The following SLC19A3 variants were observed in gnomAD, a reference collection of about 807,000 sequenced individuals.
SLC19A3 encodes solute carrier family 19 member 3.
Under a neutral mutation model 40.2 loss-of-function variants are expected in SLC19A3, and 31 were observed. That is an observed-to-expected ratio of 0.77 (90% CI 0.58 to 1.04). SLC19A3 has a LOEUF of 1.04. Ranked by LOEUF, SLC19A3 falls within the 50% of genes least tolerant of loss-of-function variation. SLC19A3 has a pLI of 0.00. For missense variants in SLC19A3, 592 were observed against 596.7 expected, an observed-to-expected ratio of 0.99 and a Z score of 0.08; for synonymous variants, 212 against 227.5, an observed-to-expected ratio of 0.93 and a Z score of 0.61.
intron 4 of SLC19A3, among the ~76,000 whole-genome samples, chr2:227,692,182 G>A (rs1472326995): frequency 6.6e-6 from 1 of 152,076 alleles, no homozygotes; most frequent in East Asian, 1.9e-4. Flanking sequence ...AAAAAACAGA[G>A]GAGGGAATAC....
At position 227,698,879 on chromosome 2, in the gene SLC19A3, A is replaced by G; in HGVS notation, c.836T>C (p.Phe279Ser). ...LKECYSSKRLFYWSLWWAFAT... is the reference protein window; with the variant it reads ...LKECYSSKRLSYWSLWWAFAT... ...GAAAGCCCACCATAGAGACCAGTAG[A>G]AAAGACGTTTTGAGGAGTAGCACTC... is the stretch of plus-strand genomic sequence containing the variant. The change falls in exon 3 of 6, where the codon TTC (phenylalanine) becomes TCC (serine). Residue 279 changes from phenylalanine (F) to serine (S), a missense_variant. Transcript: ENST00000644224. 8 of 1,614,138 alleles carry G rather than the reference A, an allele frequency of 5.0e-6. No homozygotes were observed. The highest frequency in any genetic ancestry group is 6.8e-6 in the Non-Finnish European group (8 of 1,179,990).
Position 227,699,039 on chromosome 2 carries a change from G to C in SLC19A3, c.676C>G (p.Pro226Ala). 1.2e-6 allele frequency: 2 copies of C among 1,614,204 alleles called. No individual in the cohort carries two copies. The highest frequency in any genetic ancestry group is 1.7e-6 in the Non-Finnish European group (2 of 1,180,040). The change falls in exon 3 of 6, where the codon CCA becomes GCA. Residue 226 changes from proline to alanine, a missense_variant. Pro to Ala is a conservative substitution (Grantham distance 27). Coordinates refer to ENST00000644224, the MANE Select transcript of SLC19A3 (RefSeq NM_025243.4). ...VLEETHEGEA[P>A]GCEEQKPTSE... The stretch of plus-strand genomic sequence containing the variant: ...GTGGGTTTCTGCTCTTCACAGCCTG[G>C]TGCTTCACCTTCGTGAGTTTCCTCT...
Position 227,699,417 on chromosome 2 carries a change from C to G in SLC19A3, c.298G>C (p.Gly100Arg), listed in dbSNP as rs1252280462. ...ACCTGCATGGTCTTCACTCCTTGGC[C>G]AAACAACAGCAGCAGCCAGGTAATG... is the stretch of plus-strand genomic sequence containing the variant. Reference protein sequence around the residue: ...FIITWLLLLFGQGVKTMQVVE... With the variant: ...FIITWLLLLFRQGVKTMQVVE... The change falls in exon 3 of 6, where the codon GGC (glycine) becomes CGC (arginine). Residue 100 changes from glycine to arginine, a missense_variant. Gly to Arg is a moderately radical substitution (Grantham distance 125, BLOSUM62 -2). Transcript: ENST00000644224. The G allele has an allele frequency of 4.3e-6, 7 of 1,613,970 alleles. No individual in the cohort carries two copies. The highest frequency in any genetic ancestry group is 5.9e-6 in the Non-Finnish European group (7 of 1,180,026).
At chr2:227,702,346 A>G in intron 1 of SLC19A3, 26 bp from the exon 2 acceptor site, 1 of 1,612,890 alleles carries the variant, frequency 6.2e-7, no homozygotes. Context: ...CAAAGAGAAA[A>G]TTAAGTGATG....
At chr2:227,691,639 T>C (rs1030134674) in intron 4 of SLC19A3, among the ~76,000 whole-genome samples, 1 of 151,522 alleles carries the variant, frequency 6.6e-6, no homozygotes, top group Non-Finnish European at 1.5e-5. Flanking sequence ...AAAAAAGTCA[T>C]CTGAAATAAA....
chr2:227,711,505 T>C (rs560581754), intron 1 of SLC19A3, among the ~76,000 whole-genome samples: 1 of 152,214 alleles, frequency 6.6e-6, no homozygotes, highest in South Asian at 2.1e-4. Flanking sequence ...TAGGGAGTTA[T>C]TGTATTCTGG....
Position 227,686,135 on chromosome 2 carries a change from TGCA to T in SLC19A3, c.*1259_*1261del. 1 of 449,292 alleles carries T rather than the reference TGCA, an allele frequency of 2.2e-6. No homozygotes were observed. The highest frequency in any genetic ancestry group is 1.6e-5 in the South Asian group (1 of 63,430). The allele number at this position is 449,292 out of a possible 1,614,324, so 27.8% of individuals were successfully genotyped here. A position where few individuals can be genotyped will look rare whatever the true frequency, so the allele number is the denominator to read the frequency against. ...TGGCTTGAACTCAGGAGGTGAAGTT[TGCA>T]GTGAGCCAAGATCACGCCATTGCAT... On this transcript the variant is annotated 3_prime_UTR_variant, in exon 6 of 6. Transcript: ENST00000644224.
rs34163746 is a variant in SLC19A3 at position 227,690,706 on chromosome 2, C to CAAA, written c.1173-2402_1173-2400dup. Among the ~76,000 whole-genome samples the CAAA allele has an allele frequency of 4.2e-3, 165 of 39,110 alleles. 24 individuals are homozygous for CAAA. The highest frequency in any genetic ancestry group is 0.012 in the African/African-American group (126 of 10,484). The allele number at this position is 39,110 out of a possible 152,430, so 25.7% of individuals were successfully genotyped here. Reference sequence around the variant, plus strand: ...TGGGTGACAGACCGAGACTCCATCTCAAAAAAAAAAAAAAAAAAAAAAAAA... The same window carrying CAAA: ...TGGGTGACAGACCGAGACTCCATCTCAAAAAAAAAAAAAAAAAAAAAAAAAAAA... On this transcript the variant is annotated intron_variant, in intron 4 of 5. Coordinates refer to ENST00000644224, the MANE Select transcript of SLC19A3 (RefSeq NM_025243.4).
rs13400826 is a variant in SLC19A3 at position 227,699,875 on chromosome 2, A to T, written c.151-311T>A. The stretch of plus-strand genomic sequence containing the variant: ...TAAAAAGTTTTTGGACACTTCTAAG[A>T]TTTTCCGATTCTTTTTTTTTGAGGT... On this transcript the variant is annotated intron_variant, in intron 2 of 5. Transcript: ENST00000644224. Among the ~76,000 whole-genome samples, 145,897 of 152,178 alleles carry T rather than the reference A, an allele frequency of 0.96. 69,955 individuals are homozygous for T. Among genetic ancestry groups the T allele is most frequent in the African/African-American group, 0.97 (40,155 of 41,504 alleles).
intron 4 of SLC19A3, among the ~76,000 whole-genome samples, chr2:227,689,878 G>T (rs1393200831): frequency 6.6e-6 from 1 of 152,150 alleles, no homozygotes; most frequent in Non-Finnish European, 1.5e-5. Flanking sequence ...ACACTGTAGA[G>T]TTTTTATTAG....
rs147532535 is a variant in SLC19A3, at chr2:227,695,562, C to T, written c.1172+327G>A. ...GGCTGCATTGAGTCCTGATCGTGAT[C>T]GCACCACTGCTCTCCAGCCTGGGCA... On this transcript the variant is annotated intron_variant, in intron 4 of 5. Transcript: ENST00000644224. The T allele has an allele frequency of 8.5e-4, 280 of 330,142 alleles. 1 individual carries two copies. The highest frequency in any genetic ancestry group is 5.8e-3 in the African/African-American group (269 of 46,516). 20.5% of individuals were successfully genotyped at this position (330,142 alleles called of 1,614,324 possible). A position where few individuals can be genotyped will look rare whatever the true frequency, so the allele number is the denominator to read the frequency against.
In SLC19A3 at chr2:227,718,008, C is replaced by T. The variant is rs1257272686; in HGVS notation, c.-68G>A. On this transcript the variant is annotated 5_prime_UTR_variant, in exon 1 of 6. Transcript: ENST00000644224. ...CGCACGACCACGCACCCGCGGCTGTCGGATGGATCCAGGCGCTCTTGGTGG... is the reference window on the plus strand; with the variant it reads ...CGCACGACCACGCACCCGCGGCTGTTGGATGGATCCAGGCGCTCTTGGTGG... 1.8e-5 allele frequency: 18 copies of T among 985,094 alleles called. No homozygotes were observed. The highest frequency in any genetic ancestry group is 2.2e-5 in the Non-Finnish European group (18 of 829,730). The allele number at this position is 985,094 out of a possible 1,614,324, so 61.0% of individuals were successfully genotyped here. A position where few individuals can be genotyped will look rare whatever the true frequency, so the allele number is the denominator to read the frequency against.
At chr2:227,714,559 C>G (rs1696262230) in intron 1 of SLC19A3, 2 of 985,328 alleles carry the variant, frequency 2.0e-6, no homozygotes, top group Non-Finnish European at 2.4e-6. Context: ...AAATCCCTTT[C>G]CATACCCTGG....
intron 1 of SLC19A3, among the ~76,000 whole-genome samples, chr2:227,714,000 T>C (rs1220103616): frequency 6.6e-6 from 1 of 152,130 alleles, no homozygotes; most frequent in Admixed American, 6.5e-5. Context: ...TAAGAATTGA[T>C]GGTAAAAGGG....
chr2:227,702,282 T>A lies in SLC19A3; in HGVS notation c.37A>T (p.Ile13Phe). The change falls in exon 2 of 6, where the codon ATT (isoleucine) becomes TTT (phenylalanine). Residue 13 changes from isoleucine (I) to phenylalanine (F), a missense_variant. Ile to Phe is a conservative substitution (Grantham distance 21, BLOSUM62 0). Coordinates refer to ENST00000644224, the MANE Select transcript of SLC19A3 (RefSeq NM_025243.4). The stretch of plus-strand genomic sequence containing the variant: ...AAGCAGAGGATCACAGTGGGGTAAA[T>A]CCAGGAACTGCTTAGTGAAGTTCTG... ...CYRTSLSSSW[I>F]YPTVILCLFG... is the part of the protein sequence containing the mutation. The A allele has an allele frequency of 1.2e-6, 2 of 1,614,070 alleles. No homozygotes were observed. The highest frequency in any genetic ancestry group is 1.7e-6 in the Non-Finnish European group (2 of 1,180,008).
chr2:227,695,275 T>C (rs1362039308), intron 4 of SLC19A3, among the ~76,000 whole-genome samples: 1 of 152,108 alleles, frequency 6.6e-6, no homozygotes, highest in African/African-American at 2.4e-5. Context: ...CATCACACTT[T>C]ATGTAGAAAG....
rs760162924 is a variant in SLC19A3, at chr2:227,688,180, G to T, written c.1300C>A (p.Pro434Thr). 2.5e-6 allele frequency: 4 copies of T among 1,613,916 alleles called. No homozygotes were observed. The highest frequency in any genetic ancestry group is 1.3e-5 in the African/African-American group (1 of 74,914). The change falls in exon 5 of 6, where the codon CCA becomes ACA. Residue 434 changes from proline (P) to threonine (T), a missense_variant. Coordinates refer to ENST00000644224, the MANE Select transcript of SLC19A3 (RefSeq NM_025243.4). Reference protein sequence around the residue: ...IVVDQRGLNLPVSIQFLVYGS... With the variant: ...IVVDQRGLNLTVSIQFLVYGS... ...TTGCAGCTTACCTGAATGCTGACTG[G>T]CAAGTTGAGCCCTCTCTGATCTACT...
At chr2:227,706,144 C>A (rs903268949) in intron 1 of SLC19A3, among the ~76,000 whole-genome samples, 3 of 152,102 alleles carry the variant, frequency 2.0e-5, no homozygotes, top group African/African-American at 7.2e-5. Context: ...ATCACTTCCT[C>A]CACAACAAAG....
intron 1 of SLC19A3, chr2:227,714,301 C>T (rs1258856249): frequency 6.4e-6 from 3 of 468,714 alleles, no homozygotes; most frequent in Non-Finnish European, 8.4e-6. Flanking sequence ...GAGTCTGTCC[C>T]AGAACATTTC....
Sources: gnomAD v4.1 joint callset for allele counts (sites outside exome capture counted in the v4.1 genomes callset) on GRCh38, gnomAD v4.1.1 for gene constraint, MANE v1.5 for transcripts, NCBI Gene and HGNC (gene_info 2026-07-23, HGNC 2026-07-21) for gene names.